The following RIPOR2 variants were observed in gnomAD, a reference collection of about 807,000 sequenced individuals.
The protein encoded by RIPOR2 is rho family-interacting cell polarization regulator 2.
RIPOR2 carries 39 observed loss-of-function variants against 114.5 expected under a neutral mutation model. That is an observed-to-expected ratio of 0.34 (90% CI 0.26 to 0.44). The LOEUF (loss-of-function observed/expected upper bound fraction) is 0.44. RIPOR2 is among the 20% of genes least tolerant of loss of function. The probability of loss-of-function intolerance (pLI) is 1.00; values close to 1 mark genes in which losing one functional copy is unlikely to be tolerated. For synonymous variants in RIPOR2, 445 were observed against 484.4 expected, an observed-to-expected ratio of 0.92 and a Z score of 1.07; for missense variants, 1,007 against 1,255.1, an observed-to-expected ratio of 0.80 and a Z score of 2.99.
intron 1 of RIPOR2, among the ~76,000 whole-genome samples, chr6:25,001,763 G>A (rs1227751587): frequency 7.2e-5 from 10 of 139,544 alleles, no homozygotes; most frequent in African/African-American, 2.4e-4. Flanking sequence ...GCAGTGGCGC[G>A]ATCTTGGCTC....
intron 1 of RIPOR2, chr6:25,015,887 GGTTTTTTGGTTTTTTT>G (rs1440518213): frequency 3.5e-5 from 2 of 56,680 alleles, no homozygotes; most frequent in East Asian, 6.9e-4. Flanking sequence ...TAAAAACGCA[GGTTTTTTGGTTTTTTT>G]TTTTTTTTTT....
At chr6:24,905,624 G>C (rs1561757471) in intron 1 of RIPOR2, among the ~76,000 whole-genome samples, 1 of 152,206 alleles carries the variant, frequency 6.6e-6, no homozygotes, top group African/African-American at 2.4e-5. Flanking sequence ...CCAAAGCCAA[G>C]TCATTCCAGG....
chr6:25,016,365 G>A (rs1264797734), intron 1 of RIPOR2, among the ~76,000 whole-genome samples: 1 of 152,172 alleles, frequency 6.6e-6, no homozygotes, highest in Admixed American at 6.5e-5. Flanking sequence ...TAATCTCAGC[G>A]ATTTAAAGTA....
Position 24,830,564 on chromosome 6 carries a change from C to T in RIPOR2, c.2451G>A (p.Leu817=). ...HSPADRVMKQ[L]EASFARTVNK... ...TGACAGTTCTGGCAAAGCTGGCCTC[C>T]AGCTGCTTCATCACTCTGTCCGCTG... is the stretch of plus-strand genomic sequence containing the variant. Residue 817 remains leucine, a synonymous_variant, in exon 17 of 22, where the codon CTG becomes CTA. Coordinates refer to ENST00000643898, the MANE Select transcript of RIPOR2 (RefSeq NM_001286445.3). 1.9e-6 allele frequency: 3 copies of T among 1,551,414 alleles called. No homozygotes were observed. The highest frequency in any genetic ancestry group is 2.6e-6 in the Non-Finnish European group (3 of 1,146,972).
intron 1 of RIPOR2, among the ~76,000 whole-genome samples, chr6:24,945,268 T>C (rs1452854324): frequency 6.6e-6 from 1 of 152,148 alleles, no homozygotes; most frequent in East Asian, 1.9e-4. Flanking sequence ...AGCAAAACTA[T>C]CCTTTGAGAA....
chr6:24,863,908 T>G (rs796839539), intron 7 of RIPOR2, among the ~76,000 whole-genome samples: 10 of 152,374 alleles, frequency 6.6e-5, no homozygotes, highest in African/African-American at 2.4e-4. Flanking sequence ...ATTTGACTTT[T>G]GAAATATTTT....
chr6:24,905,140 T>C (rs1768846452), intron 1 of RIPOR2, among the ~76,000 whole-genome samples: 1 of 152,170 alleles, frequency 6.6e-6, no homozygotes, highest in Admixed American at 6.5e-5. Flanking sequence ...AATGTACTTT[T>C]CTTAGGTGTT....
intron 1 of RIPOR2, among the ~76,000 whole-genome samples, chr6:24,916,638 G>T (rs1009729219): frequency 3.9e-5 from 6 of 152,192 alleles, no homozygotes; most frequent in African/African-American, 1.4e-4. Context: ...AGTGACAGCT[G>T]GGTCTTGCTC....
chr6:24,879,324 G>A (rs570222976), intron 1 of RIPOR2, among the ~76,000 whole-genome samples: 2 of 152,274 alleles, frequency 1.3e-5, no homozygotes, highest in South Asian at 2.1e-4. Context: ...CCAGCCTGGC[G>A]AGAGTGGGGG....
chr6:25,028,498 C>G (rs1581979448), intron 1 of RIPOR2, among the ~76,000 whole-genome samples: 1 of 152,198 alleles, frequency 6.6e-6, no homozygotes, highest in East Asian at 1.9e-4. Context: ...CTTCTCTGAG[C>G]CTCAGCCTCC....
At chr6:24,978,196 C>A (rs186110030) in intron 1 of RIPOR2, among the ~76,000 whole-genome samples, 33 of 152,074 alleles carry the variant, frequency 2.2e-4, no homozygotes, top group Non-Finnish European at 3.7e-4. Context: ...GTTTTTCAGG[C>A]CAGCTTATTG....
At chr6:24,830,722 T>C (rs1760608250) in intron 16 of RIPOR2, 52 bp from the exon 17 acceptor site, 8 of 1,500,562 alleles carry the variant, frequency 5.3e-6, no homozygotes, top group Non-Finnish European at 7.1e-6. Context: ...TTTTATTTTA[T>C]TTTATTTTTT....
chr6:24,982,763 T>C (rs1421829126), intron 1 of RIPOR2, among the ~76,000 whole-genome samples: 1 of 152,080 alleles, frequency 6.6e-6, no homozygotes, highest in East Asian at 1.9e-4. Flanking sequence ...AAAAGAAAAA[T>C]AGCTCAGAGC....
At chr6:24,919,011 G>A (rs1398822074) in intron 1 of RIPOR2, among the ~76,000 whole-genome samples, 1 of 152,158 alleles carries the variant, frequency 6.6e-6, no homozygotes, top group Non-Finnish European at 1.5e-5. Context: ...CAGGATACTG[G>A]ATACAAGATT....
chr6:24,918,375 C>A (rs964282772), intron 1 of RIPOR2, among the ~76,000 whole-genome samples: 4 of 152,178 alleles, frequency 2.6e-5, no homozygotes, highest in African/African-American at 7.2e-5. Flanking sequence ...AAAAATATTT[C>A]TTCTTCAGGT....
intron 1 of RIPOR2, among the ~76,000 whole-genome samples, chr6:24,895,201 C>A (rs748959911): frequency 7.2e-5 from 11 of 152,098 alleles, no homozygotes; most frequent in Non-Finnish European, 1.6e-4. Context: ...TACAGGCACA[C>A]CCCACCATGC....
At chr6:24,977,734 C>T (rs1012190543) in intron 1 of RIPOR2, among the ~76,000 whole-genome samples, 6 of 152,160 alleles carry the variant, frequency 3.9e-5, no homozygotes, top group Non-Finnish European at 5.9e-5. Flanking sequence ...TTTCTGTAAA[C>T]ATCTGGCTCT....
chr6:24,847,989 G>A, intron 12 of RIPOR2, 36 bp downstream of exon 12: 1 of 1,613,222 alleles, frequency 6.2e-7, no homozygotes, highest in South Asian at 1.1e-5. Flanking sequence ...TGGCTCAGGT[G>A]CATTGATTCT....
chr6:24,835,961 AC>A, intron 14 of RIPOR2, 90 bp from the exon 15 acceptor site: 1 of 1,220,216 alleles, frequency 8.2e-7, no homozygotes, highest in Non-Finnish European at 1.2e-6. Flanking sequence ...CCCCAACAGC[AC>A]CCACTGAAAA....
Sources: gnomAD v4.1 joint callset for allele counts (sites outside exome capture counted in the v4.1 genomes callset) on GRCh38, gnomAD v4.1.1 for gene constraint, MANE v1.5 for transcripts, NCBI Gene and HGNC (gene_info 2026-07-23, HGNC 2026-07-21) for gene names.